BMP5: variants seen among roughly 807,000 people sequenced by gnomAD.
The protein encoded by BMP5 is bone morphogenetic protein 5.
A neutral mutation model predicts 46.6 loss-of-function variants in BMP5; 23 were observed. The observed-to-expected ratio is 0.49, with a 90% CI of 0.35 to 0.70. BMP5 has a LOEUF of 0.70. Among genes scored for constraint, BMP5 ranks in the 30% least tolerant of loss-of-function variants. The pLI is 0.00. For synonymous variants in BMP5, 204 were observed against 191.9 expected (o/e 1.06, Z -0.52); for missense variants, 545 against 565.6 (o/e 0.96, Z 0.37).
intron 2 of BMP5, among the ~76,000 whole-genome samples, chr6:55,799,443 CA>C (rs1208572348): frequency 6.6e-6 from 1 of 152,038 alleles, no homozygotes; most frequent in Non-Finnish European, 1.5e-5. Context: ...GTAGAGAAAA[CA>C]AGGCACAAAA....
chr6:55,795,454 C>G (rs1775687266), intron 2 of BMP5, among the ~76,000 whole-genome samples: 1 of 151,944 alleles, frequency 6.6e-6, no homozygotes, highest in Admixed American at 6.6e-5. Context: ...TATTATTATA[C>G]TAGGTTAAAT....
chr6:55,845,699 G>A (rs887551901), intron 1 of BMP5, among the ~76,000 whole-genome samples: 3 of 151,976 alleles, frequency 2.0e-5, no homozygotes, highest in Non-Finnish European at 2.9e-5. Flanking sequence ...CTTATACAGG[G>A]AGAGAGGTTG....
At chr6:55,866,405 A>G (rs1331426307) in intron 1 of BMP5, among the ~76,000 whole-genome samples, 1 of 152,190 alleles carries the variant, frequency 6.6e-6, no homozygotes, top group East Asian at 1.9e-4. Context: ...AATAATCCCT[A>G]TCTACCTCAT....
rs1775117221 is a variant in BMP5, at chr6:55,774,235, T to A, written c.841A>T (p.Ile281Phe). The A allele has an allele frequency of 6.2e-7, 1 of 1,612,574 alleles. No homozygotes were observed. The highest frequency in any genetic ancestry group is 1.1e-5 in the South Asian group (1 of 91,072). Reference sequence around the variant, plus strand: ...ACAAGACCAGCAGATTTTACGTTGATACTGCGTCCTAGAACGTAATACAAA... The same window carrying A: ...ACAAGACCAGCAGATTTTACGTTGAAACTGCGTCCTAGAACGTAATACAAA... The part of the protein sequence containing the change: ...LCAETGDGRS[I>F]NVKSAGLVGR... The change falls in exon 4 of 7, where the codon ATC becomes TTC. Residue 281 changes from isoleucine (I) to phenylalanine (F), a missense_variant. Coordinates refer to ENST00000370830, the MANE Select transcript of BMP5 (RefSeq NM_021073.4).
At chr6:55,821,171 C>T (rs564566655) in intron 1 of BMP5, among the ~76,000 whole-genome samples, 3 of 152,254 alleles carry the variant, frequency 2.0e-5, no homozygotes, top group Admixed American at 6.5e-5. Flanking sequence ...GCTGCTAGAA[C>T]ATCATGTTCT....
intron 4 of BMP5, 31 bp downstream of exon 4, chr6:55,774,016 CTG>C (rs756863265): frequency 6.2e-7 from 1 of 1,606,512 alleles, no homozygotes; most frequent in African/African-American, 1.3e-5. Flanking sequence ...CCATAACTCT[CTG>C]TGCATAACTG....
At chr6:55,773,355 T>C (rs1240980377) in intron 4 of BMP5, among the ~76,000 whole-genome samples, 1 of 152,000 alleles carries the variant, frequency 6.6e-6, no homozygotes, top group African/African-American at 2.4e-5. Flanking sequence ...TACTTCTTGG[T>C]ATAAATAATA....
chr6:55,801,306 G>A (rs1775844143), intron 2 of BMP5, among the ~76,000 whole-genome samples: 2 of 151,558 alleles, frequency 1.3e-5, no homozygotes, highest in African/African-American at 4.9e-5. Flanking sequence ...CATCTTATTG[G>A]TGTTGAGCAT....
At chr6:55,811,585 T>A (rs183840936) in intron 2 of BMP5, among the ~76,000 whole-genome samples, 113 of 152,258 alleles carry the variant, frequency 7.4e-4, no homozygotes, top group African/African-American at 2.6e-3. Context: ...AACTTTTTTA[T>A]ACACTTAAAC....
chr6:55,863,397 C>T (rs1777568216), intron 1 of BMP5, among the ~76,000 whole-genome samples: 1 of 152,088 alleles, frequency 6.6e-6, no homozygotes, highest in African/African-American at 2.4e-5. Flanking sequence ...ATGATTCTGC[C>T]ATTCACTAGC....
At position 55,856,713 on chromosome 6, in the gene BMP5, C is replaced by T. The variant is rs78820837; in HGVS notation, c.490+17663G>A. 7.5e-3 allele frequency among the ~76,000 whole-genome samples: 1,138 copies of T among 151,930 alleles called. 4 individuals are homozygous for T. The highest frequency in any genetic ancestry group is 0.034 in the Middle Eastern group (10 of 294). ...TATATTTTTACACTTACATACCACC[C>T]GATTAGTGATTGATTTAACTGTTCC... On this transcript the variant is annotated intron_variant, in intron 1 of 6. Transcript: ENST00000370830.
intron 6 of BMP5, among the ~76,000 whole-genome samples, chr6:55,757,297 C>A (rs143383573): frequency 9.5e-4 from 145 of 151,974 alleles, no homozygotes; most frequent in Non-Finnish European, 1.8e-3. Context: ...CTTTCATAGT[C>A]ATCAAAATGA....
intron 2 of BMP5, among the ~76,000 whole-genome samples, chr6:55,813,081 A>T (rs138523091): frequency 2.0e-5 from 3 of 152,208 alleles, no homozygotes; most frequent in Non-Finnish European, 2.9e-5. Flanking sequence ...AGAAAAAAAT[A>T]CCTTCCATGG....
In BMP5 at chr6:55,875,013, C is replaced by T. The variant is rs1423656627; in HGVS notation, c.-148G>A. 4 of 840,442 alleles carry T rather than the reference C, an allele frequency of 4.8e-6. No homozygotes were observed. The highest frequency in any genetic ancestry group is 5.6e-6 in the Non-Finnish European group (3 of 539,554). The allele number at this position is 840,442 out of a possible 1,614,324, so 52.1% of individuals were successfully genotyped here. On this transcript the variant is annotated 5_prime_UTR_variant, in exon 1 of 7. An upstream start codon of the reference 5' UTR is lost. Coordinates refer to ENST00000370830, the MANE Select transcript of BMP5 (RefSeq NM_021073.4). ...ATGACAGTGACATTTCTGAGCACAA[C>T]ATCCTCACCGATTTTCCTGTCCTAT...
intron 1 of BMP5, among the ~76,000 whole-genome samples, chr6:55,856,772 C>T (rs1333056446): frequency 1.3e-5 from 2 of 151,958 alleles, no homozygotes; most frequent in African/African-American, 4.8e-5. Flanking sequence ...TCATACATAT[C>T]AATATATTTC....
chr6:55,816,564 A>T (rs1350152753), intron 2 of BMP5, among the ~76,000 whole-genome samples: 1 of 152,156 alleles, frequency 6.6e-6, no homozygotes, highest in Non-Finnish European at 1.5e-5. Flanking sequence ...GAGATTTTTT[A>T]AAAACGTAAC....
chr6:55,837,340 TAGA>T (rs1361746941), intron 1 of BMP5, among the ~76,000 whole-genome samples: 1 of 102,652 alleles, frequency 9.7e-6, no homozygotes, highest in East Asian at 2.9e-4. Context: ...CTAATTTAGA[TAGA>T]TAGATAGATA....
chr6:55,875,100 C>G lies in BMP5; in HGVS notation c.-235G>C. On this transcript the variant is annotated 5_prime_UTR_variant, in exon 1 of 7. Transcript: ENST00000370830. ...CTAAGAAAGCTGAAACTCAGATTTC[C>G]AATTATCCACAGTTGTTAAGAGTTT... 2.1e-6 allele frequency: 1 copy of G among 468,834 alleles called. No individual in the cohort carries two copies. Among genetic ancestry groups the G allele is most frequent in the South Asian group, 2.4e-5 (1 of 42,128 alleles). 29.0% of individuals were successfully genotyped at this position (468,834 alleles called of 1,614,324 possible). A position where few individuals can be genotyped will look rare whatever the true frequency, so the allele number is the denominator to read the frequency against.
rs554573485 is a variant in BMP5, at chr6:55,753,796, C to T, written c.*1737G>A. ...TCTTATTGTCTCAATTTATGATATA[C>T]TTACATTTTGTATTCCTTTTAAATA... On this transcript the variant is annotated 3_prime_UTR_variant, in exon 7 of 7. Coordinates refer to ENST00000370830, the MANE Select transcript of BMP5 (RefSeq NM_021073.4). The T allele has an allele frequency of 3.9e-5, 6 of 151,946 alleles. No individual in the cohort carries two copies. Among genetic ancestry groups the T allele is most frequent in the African/African-American group, 1.4e-4 (6 of 41,512 alleles). 9.4% of individuals were successfully genotyped at this position (151,946 alleles called of 1,614,324 possible).
Sources: gnomAD v4.1 joint callset for allele counts (sites outside exome capture counted in the v4.1 genomes callset) on GRCh38, gnomAD v4.1.1 for gene constraint, MANE v1.5 for transcripts, NCBI Gene and HGNC (gene_info 2026-07-23, HGNC 2026-07-21) for gene names.